COX7B2: variants seen among roughly 807,000 people sequenced by gnomAD.
The protein encoded by COX7B2 is cytochrome c oxidase subunit 7B2, mitochondrial.
For missense variants in COX7B2, 109 were observed against 95.9 expected (o/e 1.14, Z -0.57); for synonymous variants, 37 against 32.1 (o/e 1.15, Z -0.51).
intron 2 of COX7B2, among the ~76,000 whole-genome samples, chr4:46,832,790 C>T (rs1233478310): frequency 1.3e-5 from 2 of 152,174 alleles, no homozygotes; most frequent in African/African-American, 2.4e-5. Flanking sequence ...CTGCTCTCAC[C>T]GTGTGACCCA....
At chr4:46,874,648 T>G (rs777718241) in intron 1 of COX7B2, among the ~76,000 whole-genome samples, 60 of 152,196 alleles carry the variant, frequency 3.9e-4, no homozygotes, top group Non-Finnish European at 6.6e-4. Context: ...ACATAGGTTT[T>G]ATATAGTCCC....
chr4:46,764,846 C>A (rs1577678787), intron 2 of COX7B2, among the ~76,000 whole-genome samples: 1 of 151,440 alleles, frequency 6.6e-6, no homozygotes, highest in South Asian at 2.1e-4. Flanking sequence ...AATCAAAGCA[C>A]ACTACCACAA....
chr4:46,841,051 GGAGT>G (rs1230183410), intron 2 of COX7B2, among the ~76,000 whole-genome samples: 1 of 151,988 alleles, frequency 6.6e-6, no homozygotes, highest in African/African-American at 2.4e-5. Context: ...CAACATTCAA[GGAGT>G]GAGGACAATG....
intron 2 of COX7B2, among the ~76,000 whole-genome samples, chr4:46,761,192 A>C (rs1716125505): frequency 6.6e-6 from 1 of 152,170 alleles, no homozygotes; most frequent in African/African-American, 2.4e-5. Context: ...ACAAGCTTTT[A>C]AAAGGATGCT....
chr4:46,750,800 C>A lies in COX7B2; in HGVS notation c.-49-15559G>T, dbSNP rs1002552787. ...GCAGACTTCCAGATGGCCAGCTTCTCGTCATGTCCTCAAATAGTGGAAAGA... is the reference window on the plus strand; with the variant it reads ...GCAGACTTCCAGATGGCCAGCTTCTAGTCATGTCCTCAAATAGTGGAAAGA... On this transcript the variant is annotated intron_variant, in intron 2 of 2. Coordinates refer to ENST00000355591, the MANE Select transcript of COX7B2 (RefSeq NM_130902.3). Among the ~76,000 whole-genome samples, 5 of 152,154 alleles carry A rather than the reference C, an allele frequency of 3.3e-5. No individual in the cohort carries two copies. The East Asian group carries it at 9.6e-4, about 29-fold the overall frequency.
chr4:46,856,442 A>C (rs1717011585), intron 1 of COX7B2, among the ~76,000 whole-genome samples: 1 of 152,096 alleles, frequency 6.6e-6, no homozygotes, highest in Non-Finnish European at 1.5e-5. Context: ...ATTAACTTTC[A>C]CTATTCAGAT....
Position 46,790,177 on chromosome 4 carries a change from C to T in COX7B2, c.-50+54783G>A, listed in dbSNP as rs185939666. Among the ~76,000 whole-genome samples the T allele has an allele frequency of 1.2e-4, 18 of 152,254 alleles. No individual in the cohort carries two copies. The South Asian group carries it at 1.7e-3, about 14-fold the overall frequency. ...AGAAAAATCTGAAGCAGGAACAGAA[C>T]GAGCAATTTATCTGTCTTAGGTGTA... On this transcript the variant is annotated intron_variant, in intron 2 of 2. Transcript: ENST00000355591.
intron 1 of COX7B2, among the ~76,000 whole-genome samples, chr4:46,879,990 T>C (rs1033153711): frequency 6.6e-6 from 1 of 152,146 alleles, no homozygotes; most frequent in Admixed American, 6.6e-5. Flanking sequence ...TCCAATACTG[T>C]CTTGAATAGA....
intron 1 of COX7B2, among the ~76,000 whole-genome samples, chr4:46,851,194 C>G (rs1453047941): frequency 2.0e-5 from 3 of 151,860 alleles, no homozygotes; most frequent in African/African-American, 4.8e-5. Context: ...AAGAAAACAC[C>G]TTTGTCTTGA....
chr4:46,736,609 C>T lies in COX7B2; in HGVS notation c.-49-1368G>A, dbSNP rs1178847438. On this transcript the variant is annotated intron_variant, in intron 2 of 2. Transcript: ENST00000355591. Reference sequence around the variant, plus strand: ...CTACAGGGCAATGGTTCGGTTTCACCTATTCATCTTTCTGTTTTGACTTAC... The same window carrying T: ...CTACAGGGCAATGGTTCGGTTTCACTTATTCATCTTTCTGTTTTGACTTAC... 5.3e-5 allele frequency among the ~76,000 whole-genome samples: 8 copies of T among 152,080 alleles called. No individual in the cohort carries two copies. In the East Asian group the frequency reaches 1.3e-3, roughly 26 times the overall value.
In COX7B2 at chr4:46,798,902, C is replaced by T. The variant is rs117246043; in HGVS notation, c.-50+46058G>A. 1.6e-4 allele frequency among the ~76,000 whole-genome samples: 24 copies of T among 152,246 alleles called. No homozygotes were observed. The East Asian group carries it at 4.6e-3, about 29-fold the overall frequency. On this transcript the variant is annotated intron_variant, in intron 2 of 2. Transcript: ENST00000355591. ...TTAGTCTACACCAGTGGCCTCATGACGGAGGAAATTACATCGTCAGATAAC... is the reference window on the plus strand; with the variant it reads ...TTAGTCTACACCAGTGGCCTCATGATGGAGGAAATTACATCGTCAGATAAC...
At chr4:46,832,322 C>G (rs964808662) in intron 2 of COX7B2, among the ~76,000 whole-genome samples, 2 of 152,082 alleles carry the variant, frequency 1.3e-5, no homozygotes, top group Admixed American at 1.3e-4. Context: ...GGAACAAACT[C>G]CAGACACGCC....
At chr4:46,783,879 T>C (rs1002128596) in intron 2 of COX7B2, among the ~76,000 whole-genome samples, 1 of 152,172 alleles carries the variant, frequency 6.6e-6, no homozygotes, top group African/African-American at 2.4e-5. Flanking sequence ...AACAATCAGA[T>C]TATCAGCACT....
chr4:46,832,156 T>C (rs1450122645), intron 2 of COX7B2, among the ~76,000 whole-genome samples: 1 of 152,066 alleles, frequency 6.6e-6, no homozygotes, highest in Non-Finnish European at 1.5e-5. Flanking sequence ...GTTCTTTCGC[T>C]CTTTGCTATA....
intron 2 of COX7B2, among the ~76,000 whole-genome samples, chr4:46,784,051 G>C (rs1717621844): frequency 6.6e-6 from 1 of 152,090 alleles, no homozygotes; most frequent in Non-Finnish European, 1.5e-5. Flanking sequence ...ACTTGTTTTA[G>C]GTTACATGTA....
intron 2 of COX7B2, among the ~76,000 whole-genome samples, chr4:46,754,391 T>G (rs1372921241): frequency 6.6e-6 from 1 of 150,788 alleles, no homozygotes; most frequent in Non-Finnish European, 1.5e-5. Flanking sequence ...CCATAAAAAA[T>G]GATGAGTTCA....
At chr4:46,847,250 TGTGACG>T (rs1716344556) in intron 1 of COX7B2, among the ~76,000 whole-genome samples, 1 of 151,968 alleles carries the variant, frequency 6.6e-6, no homozygotes, top group Admixed American at 6.6e-5. Flanking sequence ...CAATAGAATA[TGTGACG>T]GTGAGATGTA....
intron 1 of COX7B2, among the ~76,000 whole-genome samples, chr4:46,846,070 C>A (rs1295019288): frequency 6.6e-6 from 1 of 151,964 alleles, no homozygotes; most frequent in African/African-American, 2.4e-5. Flanking sequence ...AGATGCTAAA[C>A]AAGAAATGGC....
At chr4:46,882,619 A>AT (rs767708233) in intron 1 of COX7B2, among the ~76,000 whole-genome samples, 50 of 151,986 alleles carry the variant, frequency 3.3e-4, no homozygotes, top group Non-Finnish European at 6.6e-4. Flanking sequence ...GCAACCCCTG[A>AT]TTTTTTCTGT....
Sources: allele counts gnomAD v4.1 joint callset (sites outside exome capture counted in the v4.1 genomes callset), GRCh38; gene constraint gnomAD v4.1.1; transcripts MANE v1.5; gene names NCBI Gene and HGNC (gene_info 2026-07-23, HGNC 2026-07-21).